The following STK32A variants were observed in gnomAD, a reference collection of about 807,000 sequenced individuals.
STK32A encodes the protein serine/threonine-protein kinase 32A.
STK32A carries 41 observed loss-of-function variants against 53.2 expected under a neutral mutation model. The observed-to-expected ratio is 0.77, with a 90% CI of 0.60 to 1.00. The LOEUF is 1.00. STK32A is among the 50% of genes least tolerant of loss of function. The probability of loss-of-function intolerance (pLI) is 0.00; values close to 1 mark genes in which losing one functional copy is unlikely to be tolerated. For missense variants in STK32A, 458 were observed against 485.8 expected (o/e 0.94, Z 0.54); for synonymous variants, 166 against 162.8 (o/e 1.02, Z -0.15).
At chr5:147,247,828 A>C (rs1489942027) in intron 2 of STK32A, among the ~76,000 whole-genome samples, 1 of 152,196 alleles carries the variant, frequency 6.6e-6, no homozygotes, top group Non-Finnish European at 1.5e-5. Context: ...ATCAATAAAA[A>C]GTGTAAAAAT....
chr5:147,392,927 G>A, the STK32A span: 3 of 152,250 alleles, frequency 2.0e-5, no homozygotes, highest in Non-Finnish European at 2.9e-5. Context: ...GACCTATTAC[G>A]GTAAAAATTA....
intron 2 of STK32A, among the ~76,000 whole-genome samples, chr5:147,263,818 G>T (rs1018232479): frequency 6.6e-6 from 1 of 152,118 alleles, no homozygotes; most frequent in South Asian, 2.1e-4. Flanking sequence ...TTAAGAAAAA[G>T]AGTCCAGAAT....
At chr5:147,267,840 T>C (rs1296268207) in intron 2 of STK32A, among the ~76,000 whole-genome samples, 1 of 152,150 alleles carries the variant, frequency 6.6e-6, no homozygotes, top group African/African-American at 2.4e-5. Flanking sequence ...TGGCTACCTT[T>C]GGAACTCCAA....
chr5:147,263,098 G>A (rs977730067), intron 2 of STK32A, among the ~76,000 whole-genome samples: 22 of 152,156 alleles, frequency 1.4e-4, no homozygotes, highest in African/African-American at 5.3e-4. Context: ...TGAAAATGGA[G>A]GGATCGGGTA....
At chr5:147,360,450 C>CAAAAAAAAAAAA (rs56690647) in intron 7 of STK32A, among the ~76,000 whole-genome samples, 8 of 80,970 alleles carry the variant, frequency 9.9e-5, no homozygotes, top group African/African-American at 1.3e-4. Flanking sequence ...GATTCTGTCT[C>CAAAAAAAAAAAA]AAAAAAAAAA....
intron 11 of STK32A, among the ~76,000 whole-genome samples, chr5:147,382,596 A>G (rs1757495424): frequency 6.6e-6 from 1 of 151,858 alleles, no homozygotes; most frequent in Non-Finnish European, 1.5e-5. Flanking sequence ...GTTTTTTGTT[A>G]TTGTTTTTAT....
the STK32A span, among the ~76,000 whole-genome samples, chr5:147,396,837 A>G: frequency 6.8e-6 from 1 of 147,094 alleles, no homozygotes; most frequent in Non-Finnish European, 1.5e-5. Context: ...ATACAAACAC[A>G]TATATATACG....
intron 4 of STK32A, among the ~76,000 whole-genome samples, chr5:147,304,032 G>A (rs528385264): frequency 6.6e-6 from 1 of 152,316 alleles, no homozygotes; most frequent in East Asian, 1.9e-4. Flanking sequence ...TCACTGGATG[G>A]ATATGGGGTA....
intron 4 of STK32A, among the ~76,000 whole-genome samples, chr5:147,281,912 A>C (rs1561690866): frequency 6.6e-6 from 1 of 152,216 alleles, no homozygotes; most frequent in African/African-American, 2.4e-5. Context: ...CAGATTTCTC[A>C]GCAGAAACCC....
chr5:147,355,692 G>A lies in STK32A; in HGVS notation c.562+4538G>A, dbSNP rs183345737. Among the ~76,000 whole-genome samples the A allele has an allele frequency of 4.7e-3, 711 of 149,806 alleles. 11 individuals are homozygous for A. The highest frequency in any genetic ancestry group is 0.016 in the African/African-American group (667 of 40,626). ...GATTCCGTCTCAAAAAAAATAAAAT[G>A]AATAAAATAAAAAATAAAAATAAAA... On this transcript the variant is annotated intron_variant, in intron 7 of 12. Transcript: ENST00000397936.
chr5:147,303,075 C>T (rs1159081761), intron 4 of STK32A, among the ~76,000 whole-genome samples: 1 of 152,164 alleles, frequency 6.6e-6, no homozygotes, highest in Non-Finnish European at 1.5e-5. Flanking sequence ...TCAGGTGCAT[C>T]ATCCCTAAAC....
chr5:147,343,212 G>A (rs1755524704), intron 6 of STK32A, 169 bp downstream of exon 6: 3 of 787,690 alleles, frequency 3.8e-6, no homozygotes, highest in Non-Finnish European at 6.8e-6. Context: ...CTTATGGCAG[G>A]TTATAGTACA....
At chr5:147,401,544 C>A in the STK32A span, 1 of 1,611,420 alleles carries the variant, frequency 6.2e-7, no homozygotes, top group African/African-American at 1.3e-5. Context: ...ACCAACCTGG[C>A]CAGCAAGGAG....
the STK32A span, among the ~76,000 whole-genome samples, chr5:147,401,008 C>G: frequency 6.6e-6 from 1 of 152,256 alleles, no homozygotes; most frequent in African/African-American, 2.4e-5. Flanking sequence ...TCCCTGGGCT[C>G]AGTTACCCCA....
At chr5:147,263,143 T>G (rs1236565939) in intron 2 of STK32A, among the ~76,000 whole-genome samples, 1 of 152,218 alleles carries the variant, frequency 6.6e-6, no homozygotes, top group Admixed American at 6.5e-5. Flanking sequence ...GCACCCAGCC[T>G]CCTCTTCCCA....
At chr5:147,256,802 G>A (rs570583382) in intron 2 of STK32A, among the ~76,000 whole-genome samples, 3 of 152,248 alleles carry the variant, frequency 2.0e-5, no homozygotes, top group East Asian at 3.9e-4. Context: ...GTGAGCCACC[G>A]AGCCTGACCT....
chr5:147,376,596 C>T (rs758468587), intron 11 of STK32A, among the ~76,000 whole-genome samples: 2 of 152,130 alleles, frequency 1.3e-5, no homozygotes, highest in Non-Finnish European at 2.9e-5. Context: ...GCCCATCTTT[C>T]CTGCCACATC....
chr5:147,399,284 T>G, the STK32A span: 1 of 1,598,268 alleles, frequency 6.3e-7, no homozygotes, highest in African/African-American at 1.3e-5. Flanking sequence ...TATCTATATC[T>G]ATAGCTACAT....
At chr5:147,318,877 A>G (rs947312000) in intron 4 of STK32A, among the ~76,000 whole-genome samples, 2 of 152,122 alleles carry the variant, frequency 1.3e-5, no homozygotes, top group Admixed American at 1.3e-4. Flanking sequence ...TCCAGGGTAT[A>G]CAAGATACCC....
Sources: allele counts gnomAD v4.1 joint callset (sites outside exome capture counted in the v4.1 genomes callset), GRCh38; gene constraint gnomAD v4.1.1; transcripts MANE v1.5; gene names NCBI Gene and HGNC (gene_info 2026-07-23, HGNC 2026-07-21).